Variants in CALCRL observed in about 807,000 individuals in gnomAD.
The protein encoded by CALCRL is calcitonin receptor like receptor, also known as calcitonin gene-related peptide type 1 receptor.
In CALCRL, 27 loss-of-function variants were observed where a neutral mutation model predicts 60.4. The ratio of observed to expected loss-of-function variants is 0.45; its 90% confidence interval spans 0.33 to 0.62. The LOEUF (loss-of-function observed/expected upper bound fraction) is 0.62. Among genes scored for constraint, CALCRL ranks in the 20% least tolerant of loss-of-function variants. CALCRL has a pLI of 0.03. For missense variants in CALCRL, 424 were observed against 540.7 expected (o/e 0.78, Z 2.14); for synonymous variants, 190 against 182.6 (o/e 1.04, Z -0.33).
intron 8 of CALCRL, among the ~76,000 whole-genome samples, chr2:187,368,157 T>C (rs1299771834): frequency 6.6e-6 from 1 of 152,084 alleles, no homozygotes; most frequent in African/African-American, 2.4e-5. Context: ...AGGATTGGCT[T>C]AAAAGTTAGA....
chr2:187,403,623 G>A (rs1230555375), intron 1 of CALCRL, among the ~76,000 whole-genome samples: 1 of 151,862 alleles, frequency 6.6e-6, no homozygotes, highest in South Asian at 2.1e-4. Context: ...AGTTTGCTAG[G>A]TACAAGGAAC....
In CALCRL at chr2:187,448,094, T is replaced by C. The variant is rs1405675749; in HGVS notation, c.-348A>G. The stretch of plus-strand genomic sequence containing the variant: ...AAATATTCTCAGGATGGAACTTTAC[T>C]TTCTGAGATTCCGCAGAAGAGATTT... On this transcript the variant is annotated 5_prime_UTR_variant, in exon 1 of 15. Coordinates refer to ENST00000392370, the MANE Select transcript of CALCRL (RefSeq NM_005795.6). The C allele has an allele frequency of 1.3e-5, 2 of 152,114 alleles. No individual in the cohort carries two copies. The highest frequency in any genetic ancestry group is 4.8e-5 in the African/African-American group (2 of 41,430). 9.4% of individuals were successfully genotyped at this position (152,114 alleles called of 1,614,324 possible).
chr2:187,423,346 G>C (rs1381354402), intron 1 of CALCRL, among the ~76,000 whole-genome samples: 2 of 149,672 alleles, frequency 1.3e-5, no homozygotes, highest in Non-Finnish European at 3.0e-5. Context: ...GTGCTTCAAA[G>C]TTACATGTAT....
At chr2:187,414,924 G>A (rs1436709164) in intron 1 of CALCRL, among the ~76,000 whole-genome samples, 1 of 141,242 alleles carries the variant, frequency 7.1e-6, no homozygotes, top group African/African-American at 2.6e-5. Context: ...TTTTTCAAAT[G>A]TTTTTCCCCC....
At chr2:187,428,434 A>G (rs1261613987) in intron 1 of CALCRL, 1 of 152,190 alleles carries the variant, frequency 6.6e-6, no homozygotes, top group East Asian at 1.9e-4. Context: ...AACAAAAATG[A>G]ATCTTTTGAA....
At chr2:187,354,894 C>T (rs1686704242) in intron 12 of CALCRL, among the ~76,000 whole-genome samples, 1 of 151,984 alleles carries the variant, frequency 6.6e-6, no homozygotes, top group Admixed American at 6.6e-5. Flanking sequence ...GAATCATGTA[C>T]CCCTCTGTGC....
At chr2:187,443,943 T>C (rs1287090002) in intron 1 of CALCRL, among the ~76,000 whole-genome samples, 1 of 151,754 alleles carries the variant, frequency 6.6e-6, no homozygotes, top group Admixed American at 6.6e-5. Flanking sequence ...GTAAAATTTA[T>C]GAATTTGGTA....
intron 8 of CALCRL, among the ~76,000 whole-genome samples, chr2:187,375,993 C>A (rs1687741292): frequency 6.6e-6 from 1 of 152,008 alleles, no homozygotes; most frequent in South Asian, 2.1e-4. Flanking sequence ...TTTAAGCTTG[C>A]CAAATACTTT....
chr2:187,395,578 C>T (rs983749375), intron 1 of CALCRL, among the ~76,000 whole-genome samples: 1 of 152,022 alleles, frequency 6.6e-6, no homozygotes, highest in Admixed American at 6.6e-5. Context: ...TGTTACCTTA[C>T]CCTATTTATT....
chr2:187,381,987 A>G (rs1280253918), intron 5 of CALCRL, among the ~76,000 whole-genome samples: 1 of 152,168 alleles, frequency 6.6e-6, no homozygotes, highest in Non-Finnish European at 1.5e-5. Flanking sequence ...AATTATTTAA[A>G]TAGTTTGAAT....
At chr2:187,381,465 T>A (rs954453510) in intron 5 of CALCRL, among the ~76,000 whole-genome samples, 3 of 141,528 alleles carry the variant, frequency 2.1e-5, no homozygotes, top group Non-Finnish European at 4.5e-5. Flanking sequence ...AGTAATTTTC[T>A]TTTTTTTTTT....
chr2:187,398,062 C>G (rs1344559113), intron 1 of CALCRL, among the ~76,000 whole-genome samples: 1 of 151,554 alleles, frequency 6.6e-6, no homozygotes, highest in African/African-American at 2.4e-5. Context: ...TTTAGTCACC[C>G]TCTTTTTATT....
intron 1 of CALCRL, among the ~76,000 whole-genome samples, chr2:187,401,339 T>TAACAC (rs1688880259): frequency 6.6e-6 from 1 of 151,702 alleles, no homozygotes; most frequent in Non-Finnish European, 1.5e-5. Context: ...CCTGCCTAGC[T>TAACAC]AACACAGCAT....
Position 187,346,036 on chromosome 2 carries a change from A to T in CALCRL, c.*148T>A. 1.7e-6 allele frequency: 1 copy of T among 586,216 alleles called. No individual in the cohort carries two copies. Among genetic ancestry groups the T allele is most frequent in the South Asian group, 2.3e-5 (1 of 43,782 alleles). The allele number at this position is 586,216 out of a possible 1,614,324, so 36.3% of individuals were successfully genotyped here. On this transcript the variant is annotated 3_prime_UTR_variant, in exon 15 of 15. Transcript: ENST00000392370. ...ACATAGAGCTGGATGTTACACTCTT[A>T]TCAACACACTACTAATTTCATGTGA...
chr2:187,379,671 T>C (rs145300451), intron 7 of CALCRL, among the ~76,000 whole-genome samples: 31 of 152,338 alleles, frequency 2.0e-4, no homozygotes, highest in African/African-American at 7.5e-4. Flanking sequence ...TTTATAAACA[T>C]AATGATAGCT....
At chr2:187,400,955 A>G (rs573151835) in intron 1 of CALCRL, among the ~76,000 whole-genome samples, 1 of 151,668 alleles carries the variant, frequency 6.6e-6, no homozygotes, top group Non-Finnish European at 1.5e-5. Flanking sequence ...TTCGAAAATG[A>G]TAGTTGTACT....
chr2:187,443,678 A>G (rs1691034012), intron 1 of CALCRL, among the ~76,000 whole-genome samples: 1 of 151,816 alleles, frequency 6.6e-6, no homozygotes, highest in East Asian at 1.9e-4. Flanking sequence ...TAAACATGTT[A>G]CTCTAATATT....
intron 9 of CALCRL, 114 bp from the exon 10 acceptor site, chr2:187,360,865 T>A: frequency 1.3e-5 from 11 of 876,280 alleles, no homozygotes; most frequent in South Asian, 2.5e-5. Context: ...CAAAATCCTA[T>A]ACATTAATGA....
chr2:187,441,680 G>A (rs1278406767), intron 1 of CALCRL, among the ~76,000 whole-genome samples: 1 of 151,924 alleles, frequency 6.6e-6, no homozygotes. Flanking sequence ...TGAAAAATCA[G>A]TCTGCTTCCT....
Sources: gnomAD v4.1 joint callset for allele counts (sites outside exome capture counted in the v4.1 genomes callset) on GRCh38, gnomAD v4.1.1 for gene constraint, MANE v1.5 for transcripts, NCBI Gene and HGNC (gene_info 2026-07-23, HGNC 2026-07-21) for gene names.